The following MBNL2 variants were observed in gnomAD, a reference collection of about 807,000 sequenced individuals.
MBNL2 encodes the protein muscleblind-like protein 2.
MBNL2 carries 17 observed loss-of-function variants against 41.9 expected under a neutral mutation model. That is an observed-to-expected ratio of 0.41 (90% CI 0.28 to 0.61). MBNL2 has a LOEUF of 0.61. Ranked by LOEUF, MBNL2 falls within the 20% of genes least tolerant of loss-of-function variation. The pLI is 0.35. For synonymous variants in MBNL2, 195 were observed against 182.9 expected (o/e 1.07, Z -0.53); for missense variants, 336 against 505.6 (o/e 0.66, Z 3.22).
intron 3 of MBNL2, among the ~76,000 whole-genome samples, chr13:97,340,724 A>G (rs898862003): frequency 2.6e-5 from 4 of 152,180 alleles, no homozygotes; most frequent in African/African-American, 7.2e-5. Flanking sequence ...TCTAAAATCT[A>G]TGGTTTTACT....
At chr13:97,278,987 A>T (rs2052772697) in intron 2 of MBNL2, among the ~76,000 whole-genome samples, 1 of 152,220 alleles carries the variant, frequency 6.6e-6, no homozygotes, top group African/African-American at 2.4e-5. Flanking sequence ...CAGCAGAGAA[A>T]TTGGCTGAAG....
At chr13:97,215,396 G>A in the MBNL2 span, among the ~76,000 whole-genome samples, 8 of 152,172 alleles carry the variant, frequency 5.3e-5, no homozygotes, top group South Asian at 2.1e-4. Context: ...GACACTGTGC[G>A]ACCTACTAGC....
At chr13:97,284,947 G>A (rs1802941329) in intron 2 of MBNL2, among the ~76,000 whole-genome samples, 1 of 152,152 alleles carries the variant, frequency 6.6e-6, no homozygotes. Context: ...TTTGCTTTGG[G>A]CAGTGATGCT....
rs1222888185 is a variant in MBNL2, at chr13:97,268,735, C to T, written c.-604-6897C>T. ...TATATTCTGCATACCAGGCACTGAA[C>T]TGAACTCTGGGGATTCAAAAATAAT... On this transcript the variant is annotated intron_variant, in intron 1 of 8. Transcript: ENST00000679496. This position sits in a 1 kb window ranked among gnomAD's most constrained non-coding sequence, Gnocchi z 4.6. Among the ~76,000 whole-genome samples the T allele has an allele frequency of 6.6e-6, 1 of 152,342 alleles. No homozygotes were observed. Among genetic ancestry groups the T allele is most frequent in the East Asian group, 1.9e-4 (1 of 5,194 alleles).
chr13:97,178,827 G>A, the MBNL2 span, among the ~76,000 whole-genome samples: 3 of 152,282 alleles, frequency 2.0e-5, 1 homozygote, highest in African/African-American at 7.2e-5. Context: ...AGCCCAGGAG[G>A]TCGAGGCTGC....
At chr13:97,170,748 A>T in the MBNL2 span, among the ~76,000 whole-genome samples, 1 of 152,182 alleles carries the variant, frequency 6.6e-6, no homozygotes, top group Non-Finnish European at 1.5e-5. Context: ...TACAATAGTG[A>T]TGTTATCTGC....
At chr13:97,293,089 C>T (rs2056437556) in intron 2 of MBNL2, among the ~76,000 whole-genome samples, 1 of 151,898 alleles carries the variant, frequency 6.6e-6, no homozygotes, top group Admixed American at 6.6e-5. Context: ...TTTCCTTTCT[C>T]CAGCTTTCTT....
intron 1 of MBNL2, among the ~76,000 whole-genome samples, chr13:97,243,692 T>G (rs886554733): frequency 2.0e-5 from 3 of 152,222 alleles, no homozygotes; most frequent in African/African-American, 7.2e-5. Flanking sequence ...ATTTAACAGT[T>G]TCTTTTTCTT....
chr13:97,323,810 G>A (rs2059697441), intron 2 of MBNL2, among the ~76,000 whole-genome samples: 1 of 152,088 alleles, frequency 6.6e-6, no homozygotes, highest in Non-Finnish European at 1.5e-5. Flanking sequence ...CATAGTAGGT[G>A]TATATACTTA....
At chr13:97,348,074 ATTTTTTT>A (rs71692187) in intron 5 of MBNL2, among the ~76,000 whole-genome samples, 2 of 120,318 alleles carry the variant, frequency 1.7e-5, no homozygotes, top group Non-Finnish European at 3.4e-5. Context: ...GGGCAGTGGG[ATTTTTTT>A]TTTTTTTTTT....
chr13:97,262,187 C>CGCCACACTGTTCTTGCA (rs2048767120), intron 1 of MBNL2, among the ~76,000 whole-genome samples: 1 of 152,144 alleles, frequency 6.6e-6, no homozygotes, highest in South Asian at 2.1e-4. Flanking sequence ...CCTGCCTTGC[C>CGCCACACTGTTCTTGCA]GCCACACTGT....
chr13:97,281,238 C>A (rs926687844), intron 2 of MBNL2, among the ~76,000 whole-genome samples: 1 of 152,200 alleles, frequency 6.6e-6, no homozygotes, highest in Non-Finnish European at 1.5e-5. Flanking sequence ...TCTAGGGGTG[C>A]CTTTCTCATC....
Position 97,269,856 on chromosome 13 carries a change from T to C in MBNL2, c.-604-5776T>C, listed in dbSNP as rs79188741. 8.6e-3 allele frequency among the ~76,000 whole-genome samples: 1,308 copies of C among 152,288 alleles called. 16 individuals are homozygous for C. The highest frequency in any genetic ancestry group is 0.03 in the African/African-American group (1,258 of 41,546). On this transcript the variant is annotated intron_variant, in intron 1 of 8. Transcript: ENST00000679496. ...GTGGCTGGAGCAGATCTACACCAGG[T>C]CTAATCCTGGTCATCATATGGAACT... is the stretch of plus-strand genomic sequence containing the variant.
chr13:97,336,435 A>G (rs55684003), intron 3 of MBNL2, among the ~76,000 whole-genome samples: 33,761 of 152,138 alleles, frequency 0.22, 4,353 homozygotes, highest in Non-Finnish European at 0.3. Flanking sequence ...ATGGGATTAA[A>G]TTAAGAATCT....
chr13:97,251,533 CAGAA>C (rs2046500638), intron 1 of MBNL2, among the ~76,000 whole-genome samples: 1 of 139,776 alleles, frequency 7.2e-6, no homozygotes, highest in African/African-American at 3.2e-5. Context: ...ACAAAAAAGT[CAGAA>C]GCTATTAGTA....
chr13:97,155,280 T>C, the MBNL2 span, among the ~76,000 whole-genome samples: 1 of 152,108 alleles, frequency 6.6e-6, no homozygotes, highest in African/African-American at 2.4e-5. Flanking sequence ...ATATCCAGGT[T>C]TTAAATAATT....
chr13:97,220,848 AT>A (rs1686877978), upstream of MBNL2, among the ~76,000 whole-genome samples: 1 of 152,182 alleles, frequency 6.6e-6, no homozygotes, highest in East Asian at 1.9e-4. Flanking sequence ...GCAGAGGGAG[AT>A]GAGGAAGAGG....
chr13:97,332,799 C>G (rs1028893225), intron 2 of MBNL2, among the ~76,000 whole-genome samples: 2 of 152,188 alleles, frequency 1.3e-5, no homozygotes, highest in African/African-American at 2.4e-5. Context: ...GTTATAGACT[C>G]TTATTAACAG....
intron 3 of MBNL2, 69 bp from the exon 4 acceptor site, chr13:97,342,947 C>A: frequency 1.1e-6 from 1 of 947,540 alleles, no homozygotes; most frequent in Non-Finnish European, 1.7e-6. Context: ...GCTCAAATGA[C>A]ATTTGCTGGT....
Sources: allele counts gnomAD v4.1 joint callset (sites outside exome capture counted in the v4.1 genomes callset), GRCh38; gene constraint gnomAD v4.1.1; non-coding constraint Gnocchi (gnomAD v3.1); transcripts MANE v1.5; gene names NCBI Gene and HGNC (gene_info 2026-07-23, HGNC 2026-07-21).